DNHD1: variants seen among roughly 807,000 people sequenced by gnomAD.
DNHD1 encodes the protein dynein heavy chain domain 1, also known as dynein heavy chain domain-containing protein 1.
In DNHD1, 383 loss-of-function variants were observed where a neutral mutation model predicts 458.1. That is an observed-to-expected ratio of 0.84 (90% CI 0.77 to 0.91). DNHD1 has a LOEUF of 0.91. Among genes scored for constraint, DNHD1 ranks in the 40% least tolerant of loss-of-function variants. The pLI is 0.00. For missense variants in DNHD1, 5,336 were observed against 5,866.1 expected (o/e 0.91, Z 2.95); for synonymous variants, 2,203 against 2,376.9 (o/e 0.93, Z 2.13).
At chr11:6,520,996 T>C in intron 10 of DNHD1, 2 of 449,472 alleles carry the variant, frequency 4.4e-6, no homozygotes, top group Non-Finnish European at 5.9e-6. Flanking sequence ...GAAAGGAACC[T>C]GTGTCTTTTA....
Position 6,571,556 on chromosome 11 carries a change from C to T in DNHD1, c.13912-80C>T. ...TTCTCCGATCTCGCTTCACCACGACCTCCTACCCGCTAACCCCCACTTCCC... is the reference window on the plus strand; with the variant it reads ...TTCTCCGATCTCGCTTCACCACGACTTCCTACCCGCTAACCCCCACTTCCC... On this transcript the variant is annotated intron_variant, in intron 42 of 42. Coordinates refer to ENST00000254579, the MANE Select transcript of DNHD1 (RefSeq NM_144666.3). This position sits in a 1 kb window ranked among gnomAD's most constrained non-coding sequence, Gnocchi z 5.0. 1 of 1,462,308 alleles carries T rather than the reference C, an allele frequency of 6.8e-7. No homozygotes were observed. Among genetic ancestry groups the T allele is most frequent in the Non-Finnish European group, 9.1e-7 (1 of 1,095,664 alleles). The allele number at this position is 1,462,308 out of a possible 1,614,324, so 90.6% of individuals were successfully genotyped here.
chr11:6,497,969 A>G lies in DNHD1; in HGVS notation c.-247A>G. 1.8e-6 allele frequency: 1 copy of G among 555,474 alleles called. No homozygotes were observed. The highest frequency in any genetic ancestry group is 3.2e-6 in the Non-Finnish European group (1 of 311,748). The allele number at this position is 555,474 out of a possible 1,614,324, so 34.4% of individuals were successfully genotyped here. A position where few individuals can be genotyped will look rare whatever the true frequency, so the allele number is the denominator to read the frequency against. On this transcript the variant is annotated 5_prime_UTR_variant, in exon 3 of 43. Coordinates refer to ENST00000254579, the MANE Select transcript of DNHD1 (RefSeq NM_144666.3). ...GCAGTAGGGAGGGCCTGAGGGTCTCAGGAAAGGCTCTCTGCTGGTCTGGCT... is the reference window on the plus strand; with the variant it reads ...GCAGTAGGGAGGGCCTGAGGGTCTCGGGAAAGGCTCTCTGCTGGTCTGGCT...
chr11:6,533,768 A>C lies in DNHD1; in HGVS notation c.2593A>C (p.Ser865Arg), dbSNP rs368988717. 6.4e-7 allele frequency: 1 copy of C among 1,551,522 alleles called. No homozygotes were observed. The highest frequency in any genetic ancestry group is 1.2e-5 in the South Asian group (1 of 84,042). Reference protein sequence around the residue: ...ALHELIRNHFSLFSAENEALD... With the variant: ...ALHELIRNHFRLFSAENEALD... ...CCACGAACTCATCCGCAACCACTTT[A>C]GCCTCTTTAGTGCTGAGAATGAAGC... Residue 865 changes from serine (S) to arginine (R), a missense_variant, in exon 14 of 43, where the codon AGC (serine) becomes CGC (arginine). By Grantham distance (110) the Ser-to-Arg change is moderately radical. Around this residue, in one of 4 missense-constraint regions of DNHD1, gnomAD observed 3,932 missense variants for 4,365.6 expected, o/e 0.90. Transcript: ENST00000254579.
In DNHD1 at chr11:6,571,484, C is replaced by T. The variant is rs1853850783; in HGVS notation, c.13911+61C>T. 2 of 1,483,994 alleles carry T rather than the reference C, an allele frequency of 1.3e-6. No homozygotes were observed. The highest frequency in any genetic ancestry group is 1.8e-6 in the Non-Finnish European group (2 of 1,110,782). 91.9% of individuals were successfully genotyped at this position (1,483,994 alleles called of 1,614,324 possible). On this transcript the variant is annotated intron_variant, in intron 42 of 42. Transcript: ENST00000254579. This position sits in a 1 kb window ranked among gnomAD's most constrained non-coding sequence, Gnocchi z 5.0. ...CCCCTCGAAGTCTCTAATTACACCT[C>T]GCAGTTACCCCTTCTTGGTGATCTT... is the stretch of plus-strand genomic sequence containing the variant.
intron 6 of DNHD1, 75 bp from the exon 7 acceptor site, chr11:6,511,198 A>T: frequency 6.4e-7 from 1 of 1,557,324 alleles, no homozygotes; most frequent in Non-Finnish European, 8.7e-7. Flanking sequence ...GAGGTAAGCT[A>T]GGCTGAGAAG....
In DNHD1 at chr11:6,548,623, A is replaced by T; in HGVS notation, c.7099-22A>T. On this transcript the variant is annotated intron_variant, in intron 23 of 42. Transcript: ENST00000254579. This position sits in a 1 kb window ranked among gnomAD's most constrained non-coding sequence, Gnocchi z 4.4. The stretch of plus-strand genomic sequence containing the variant: ...TGTCTTATACTGGAGGTGCTGCAGT[A>T]AGTCCCACTTCTGTCTTGCAGACTG... 6.4e-7 allele frequency: 1 copy of T among 1,550,898 alleles called. No homozygotes were observed. Among genetic ancestry groups the T allele is most frequent in the Non-Finnish European group, 8.7e-7 (1 of 1,146,886 alleles).
chr11:6,562,043 T>A (rs1046863574), intron 28 of DNHD1, among the ~76,000 whole-genome samples: 1 of 151,326 alleles, frequency 6.6e-6, no homozygotes, highest in African/African-American at 2.4e-5. Flanking sequence ...GAAGTAAGAG[T>A]GGAAACTGAG....
At position 6,528,807 on chromosome 11, in the gene DNHD1, G is replaced by A. The variant is rs1362118629; in HGVS notation, c.2103+20G>A. ...CTGGAGGTGAGAACAGTGGTTTAAG[G>A]GATAGGGCGCTGCCCACCAATTCCC... On this transcript the variant is annotated intron_variant, in intron 11 of 42. Transcript: ENST00000254579. 1.3e-6 allele frequency: 2 copies of A among 1,550,716 alleles called. No individual in the cohort carries two copies. The highest frequency in any genetic ancestry group is 1.7e-6 in the Non-Finnish European group (2 of 1,146,280).
rs1853737813 is a variant in DNHD1, at chr11:6,567,624, C to T, written c.12115C>T (p.Gln4039Ter). 1.2e-6 allele frequency: 2 copies of T among 1,613,940 alleles called. No homozygotes were observed. The highest frequency in any genetic ancestry group is 1.3e-5 in the African/African-American group (1 of 75,080). The change falls in exon 36 of 43, where the codon CAG (glutamine) becomes TAG (stop). Residue 4039 changes from glutamine to a stop codon, truncating the protein, a stop_gained. Transcript: ENST00000254579. LOFTEE classifies it high-confidence loss of function. ...AGGGCCTGAGCCACTCAGCCTCCTC[C>T]AGAAGCTGATCCTGTGGCGCGTTCT... Reference protein sequence around the residue: ...GPGPEPLSLLQKLILWRVLRP... With the variant: ...GPGPEPLSLL
intron 39 of DNHD1, 148 bp from the exon 40 acceptor site, chr11:6,569,861 T>A (rs1853799445): frequency 6.3e-6 from 4 of 633,098 alleles, no homozygotes; most frequent in Non-Finnish European, 1.1e-5. Flanking sequence ...GGGGAAATGA[T>A]GATTTCAGTT....
intron 7 of DNHD1, among the ~76,000 whole-genome samples, chr11:6,515,732 A>G (rs1172367145): frequency 2.7e-5 from 4 of 149,738 alleles, no homozygotes; most frequent in African/African-American, 9.9e-5. Context: ...AAGAATATGT[A>G]TTAGGCCAAG....
Position 6,544,322 on chromosome 11 carries a change from G to A in DNHD1, c.3754+76G>A, listed in dbSNP as rs73407181. On this transcript the variant is annotated intron_variant, in intron 19 of 42. Transcript: ENST00000254579. Reference sequence around the variant, plus strand: ...TCCCAGAGGGATGGGGGTGAGAGGTGGAGGTTGGGTGGGAGAAGATATGAA... The same window carrying A: ...TCCCAGAGGGATGGGGGTGAGAGGTAGAGGTTGGGTGGGAGAAGATATGAA... 2,115 of 1,516,500 alleles carry A rather than the reference G, an allele frequency of 1.4e-3. 26 individuals carry two copies. The African/African-American group carries it at 0.025, about 18-fold the overall frequency. 93.9% of individuals were successfully genotyped at this position (1,516,500 alleles called of 1,614,324 possible).
chr11:6,503,090 C>T, intron 4 of DNHD1, 164 bp downstream of exon 4: 1 of 697,958 alleles, frequency 1.4e-6, no homozygotes, highest in East Asian at 3.1e-5. Context: ...CCTCAGCCTC[C>T]TCCTCCTTTC....
At chr11:6,534,305 G>T (rs1167655249) in intron 14 of DNHD1, 132 bp downstream of exon 14, 7 of 940,136 alleles carry the variant, frequency 7.4e-6, no homozygotes, top group South Asian at 1.8e-5. Flanking sequence ...CTTCACTGGT[G>T]TCTTTTATAA....
Position 6,547,928 on chromosome 11 carries a change from C to T in DNHD1, c.6793C>T (p.Arg2265Trp), listed in dbSNP as rs369197937. The T allele has an allele frequency of 1.4e-5, 22 of 1,551,756 alleles. No homozygotes were observed. Among genetic ancestry groups the T allele is most frequent in the Admixed American group, 7.8e-5 (4 of 50,984 alleles). The change falls in exon 22 of 43, where the codon CGG (arginine) becomes TGG (tryptophan). Residue 2265 changes from arginine to tryptophan, a missense_variant. Physicochemically the swap from Arg to Trp is moderately radical, Grantham distance 101 (BLOSUM62 -3). This residue lies in a region of DNHD1 where 3,932 missense variants were observed against 4,365.6 expected (regional missense o/e 0.90). Transcript: ENST00000254579. ...GTCTTCAAAAAGCAGCTTTCTAAAC[C>T]GGTCCCAGGTTGACAGTGACGATGT... ...FRSSKSSFLN[R>W]SQVDSDDVPD...
In DNHD1 at chr11:6,561,000, T is replaced by C. The variant is rs559687924; in HGVS notation, c.9519+1717T>C. ...TGAGGTAGCTATTCTTTTCTCACTT[T>C]ACAGATGAGAAAACAAAGATCCAGA... is the stretch of plus-strand genomic sequence containing the variant. On this transcript the variant is annotated intron_variant, in intron 28 of 42. Transcript: ENST00000254579. Among the ~76,000 whole-genome samples the C allele has an allele frequency of 8.7e-4, 133 of 152,292 alleles. 5 individuals are homozygous for C. In the South Asian group the frequency reaches 0.027, roughly 31 times the overall value.
chr11:6,538,864 C>A (rs570273947), intron 16 of DNHD1, 54 bp downstream of exon 16: 1 of 1,418,230 alleles, frequency 7.1e-7, no homozygotes, highest in Non-Finnish European at 9.4e-7. Flanking sequence ...GAGGTTAGAG[C>A]GATGCAGCAA....
chr11:6,570,913 C>T lies in DNHD1; in HGVS notation c.13401C>T (p.Asp4467=), dbSNP rs1238526029. 2.9e-5 allele frequency: 47 copies of T among 1,613,254 alleles called. No homozygotes were observed. The highest frequency in any genetic ancestry group is 3.7e-5 in the Non-Finnish European group (44 of 1,179,356). The change falls in exon 42 of 43, where the codon GAC becomes GAT. Residue 4467 remains aspartate, a synonymous_variant. Coordinates refer to ENST00000254579, the MANE Select transcript of DNHD1 (RefSeq NM_144666.3). ...LTHVIRQDES[D]APWSVLGPNA... is the part of the protein sequence containing the mutation. ...ACGTGATTCGCCAAGACGAGTCCGA[C>T]GCCCCGTGGTCAGTGCTGGGGCCAA... is the stretch of plus-strand genomic sequence containing the variant.
rs1564824705 is a variant in DNHD1, at chr11:6,568,040, C to A, written c.12352-16C>A. On this transcript the variant is annotated splice_polypyrimidine_tract_variant and intron_variant, in intron 36 of 42. Transcript: ENST00000254579. ...ATCACTTTGAGTCATGCTGCCATCT[C>A]TTTTTTGGTCCCCAGGGGCAGAAGC... is the stretch of plus-strand genomic sequence containing the variant. 6.4e-7 allele frequency: 1 copy of A among 1,551,830 alleles called. No homozygotes were observed. The highest frequency in any genetic ancestry group is 1.9e-5 in the Admixed American group (1 of 52,460).
Sources: gnomAD v4.1 joint callset for allele counts (sites outside exome capture counted in the v4.1 genomes callset) on GRCh38, gnomAD v4.1.1 for gene constraint, gnomAD v4.1.1 regional missense constraint, Gnocchi (gnomAD v3.1) non-coding constraint, MANE v1.5 for transcripts, NCBI Gene and HGNC (gene_info 2026-07-23, HGNC 2026-07-21) for gene names.